Variants in HADHA observed in about 807,000 individuals in gnomAD.
HADHA encodes the protein trifunctional enzyme subunit alpha, mitochondrial.
A neutral mutation model predicts 91.3 loss-of-function variants in HADHA; 59 were observed. That is an observed-to-expected ratio of 0.65 (90% CI 0.52 to 0.80). The LOEUF (loss-of-function observed/expected upper bound fraction) is 0.80. HADHA is among the 30% of genes least tolerant of loss of function. HADHA has a pLI of 0.00. For synonymous variants in HADHA, 320 were observed against 338.9 expected, an observed-to-expected ratio of 0.94 and a Z score of 0.61; for missense variants, 800 against 927.6, an observed-to-expected ratio of 0.86 and a Z score of 1.79.
At chr2:26,224,738 G>A (rs1375478335) in intron 7 of HADHA, among the ~76,000 whole-genome samples, 1 of 152,172 alleles carries the variant, frequency 6.6e-6, no homozygotes, top group African/African-American at 2.4e-5. Flanking sequence ...AGATGTGTAT[G>A]GGTGTCAAAC....
intron 14 of HADHA, among the ~76,000 whole-genome samples, chr2:26,196,745 C>T (rs142442924): frequency 2.6e-5 from 4 of 152,300 alleles, no homozygotes; most frequent in Non-Finnish European, 4.4e-5. Flanking sequence ...TGCTCTGCTC[C>T]GATGGCGGGG....
intron 1 of HADHA, among the ~76,000 whole-genome samples, chr2:26,243,904 C>A (rs3806514): frequency 6.6e-6 from 1 of 152,246 alleles, no homozygotes; most frequent in African/African-American, 2.4e-5. Context: ...GAGGTATTAG[C>A]GTATTTTTAA....
chr2:26,216,920 G>A (rs1042567370), intron 7 of HADHA, among the ~76,000 whole-genome samples: 5 of 152,066 alleles, frequency 3.3e-5, no homozygotes, highest in African/African-American at 1.2e-4. Context: ...AATGAAGCAA[G>A]GAAAGAATGA....
At position 26,210,774 on chromosome 2, in the gene HADHA, T is replaced by G. The variant is rs1670082526; in HGVS notation, c.976-885A>C. The G allele has an allele frequency of 6.6e-6, 1 of 152,200 alleles. No homozygotes were observed. Among genetic ancestry groups the G allele is most frequent in the South Asian group, 2.1e-4 (1 of 4,830 alleles). 9.4% of individuals were successfully genotyped at this position (152,200 alleles called of 1,614,324 possible). On this transcript the variant is annotated intron_variant, in intron 10 of 19. Coordinates refer to ENST00000380649, the MANE Select transcript of HADHA (RefSeq NM_000182.5). This position sits in a 1 kb window ranked among gnomAD's most constrained non-coding sequence, Gnocchi z 4.0. ...GGCATAATATCTAGGATTTGACAGATCCTGTCTCTGCCACTGCCCCATTGT... is the reference window on the plus strand; with the variant it reads ...GGCATAATATCTAGGATTTGACAGAGCCTGTCTCTGCCACTGCCCCATTGT...
chr2:26,239,088 G>GAAT lies in HADHA; in HGVS notation c.109+13_109+14insATT. The GAAT allele has an allele frequency of 6.3e-7, 1 of 1,595,930 alleles. No homozygotes were observed. The highest frequency in any genetic ancestry group is 8.6e-7 in the Non-Finnish European group (1 of 1,163,592). On this transcript the variant is annotated intron_variant, in intron 2 of 19. Transcript: ENST00000380649. ...GCAATGTAAGCATACACATTAAAAA[G>GAAT]AAATTAAACTTACTCAGCAAAGCAG... is the stretch of plus-strand genomic sequence containing the variant.
chr2:26,213,904 A>G (rs942187259), intron 9 of HADHA, among the ~76,000 whole-genome samples: 1 of 152,144 alleles, frequency 6.6e-6, no homozygotes, highest in African/African-American at 2.4e-5. Context: ...TTAATCTTGG[A>G]CTTTCCACAC....
intron 6 of HADHA, 33 bp from the exon 7 acceptor site, chr2:26,230,327 G>T (rs904490739): frequency 8.1e-7 from 1 of 1,240,344 alleles, no homozygotes; most frequent in Non-Finnish European, 1.2e-6. Flanking sequence ...AATATAGGGG[G>T]AAAAAAATCA....
chr2:26,205,088 G>A (rs1360744790), intron 11 of HADHA, among the ~76,000 whole-genome samples: 5 of 152,078 alleles, frequency 3.3e-5, no homozygotes, highest in African/African-American at 9.7e-5. Context: ...GAATGGCTTC[G>A]TGTCCATTAT....
chr2:26,238,408 A>G (rs946315895), intron 3 of HADHA, among the ~76,000 whole-genome samples: 4 of 152,240 alleles, frequency 2.6e-5, no homozygotes, highest in Admixed American at 6.5e-5. Flanking sequence ...TTACTGTTAC[A>G]CACTTTATTG....
intron 5 of HADHA, among the ~76,000 whole-genome samples, chr2:26,233,374 A>AT (rs1670671789): frequency 6.6e-6 from 1 of 152,242 alleles, no homozygotes; most frequent in Non-Finnish European, 1.5e-5. Flanking sequence ...TGTATGTGCA[A>AT]TTGGTCATTG....
chr2:26,237,431 A>T (rs1670788849), intron 3 of HADHA, among the ~76,000 whole-genome samples: 1 of 152,216 alleles, frequency 6.6e-6, no homozygotes, highest in South Asian at 2.1e-4. Flanking sequence ...GTTCGAGACC[A>T]GCCTGGGCAA....
chr2:26,197,453 T>G (rs1169080649), intron 14 of HADHA, among the ~76,000 whole-genome samples: 1 of 152,218 alleles, frequency 6.6e-6, no homozygotes, highest in African/African-American at 2.4e-5. Flanking sequence ...GGGCTTTATA[T>G]CCTGAACCTG....
intron 14 of HADHA, among the ~76,000 whole-genome samples, chr2:26,195,743 A>C (rs1669651276): frequency 6.6e-6 from 1 of 152,206 alleles, no homozygotes; most frequent in Non-Finnish European, 1.5e-5. Context: ...TTAAACCAGC[A>C]GTTCTCCAAG....
chr2:26,220,907 C>A (rs1253301299), intron 7 of HADHA, among the ~76,000 whole-genome samples: 2 of 152,192 alleles, frequency 1.3e-5, no homozygotes, highest in African/African-American at 2.4e-5. Flanking sequence ...CTACTCTAGA[C>A]ATACTGGGGG....
intron 6 of HADHA, 122 bp from the exon 7 acceptor site, chr2:26,230,416 A>G: frequency 2.8e-6 from 2 of 723,830 alleles, no homozygotes; most frequent in Non-Finnish European, 5.0e-6. Flanking sequence ...TGTTTATGCT[A>G]TTTGTCAACA....
At chr2:26,196,570 AT>A (rs1488120212) in intron 14 of HADHA, among the ~76,000 whole-genome samples, 3 of 152,176 alleles carry the variant, frequency 2.0e-5, no homozygotes, top group African/African-American at 2.4e-5. Context: ...GGATTTCCCA[AT>A]TTGTGGCACT....
intron 11 of HADHA, among the ~76,000 whole-genome samples, chr2:26,204,870 G>A (rs971379917): frequency 6.6e-6 from 1 of 151,982 alleles, no homozygotes; most frequent in African/African-American, 2.4e-5. Flanking sequence ...TTACAGGTGT[G>A]AGCCATCGTG....
intron 1 of HADHA, 95 bp from the exon 2 acceptor site, chr2:26,239,238 C>G: frequency 1.2e-6 from 1 of 852,728 alleles, no homozygotes; most frequent in East Asian, 2.4e-5. Context: ...ATAACAACAA[C>G]AAAAACCCCA....
chr2:26,228,639 C>T (rs932468484), intron 7 of HADHA, among the ~76,000 whole-genome samples: 24 of 152,032 alleles, frequency 1.6e-4, no homozygotes, highest in South Asian at 4.1e-4. Context: ...GCTAAGTGAA[C>T]GAAGATTAAA....
Sources: allele counts gnomAD v4.1 joint callset (sites outside exome capture counted in the v4.1 genomes callset), GRCh38; gene constraint gnomAD v4.1.1; non-coding constraint Gnocchi (gnomAD v3.1); transcripts MANE v1.5; gene names NCBI Gene and HGNC (gene_info 2026-07-23, HGNC 2026-07-21).